Variants in PRKCE observed in about 807,000 individuals in gnomAD.
PRKCE encodes protein kinase C epsilon, also known as protein kinase C epsilon type.
Under a neutral mutation model 85.4 loss-of-function variants are expected in PRKCE, and 16 were observed. The observed-to-expected ratio is 0.19, with a 90% CI of 0.13 to 0.28. The LOEUF (loss-of-function observed/expected upper bound fraction) is 0.28, where lower values mean the gene tolerates loss of function less well. Ranked by LOEUF, PRKCE falls within the 10% of genes least tolerant of loss-of-function variation. The pLI is 1.00. For missense variants in PRKCE, 573 were observed against 975.2 expected (o/e 0.59, Z 5.49); for synonymous variants, 388 against 371.5 (o/e 1.04, Z -0.51).
intron 1 of PRKCE, among the ~76,000 whole-genome samples, chr2:45,814,962 T>G (rs955104194): frequency 6.6e-6 from 1 of 152,190 alleles, no homozygotes; most frequent in African/African-American, 2.4e-5. Flanking sequence ...GGGTGTTCTC[T>G]AAGTTCCTTT....
chr2:45,834,771 G>A (rs1690718163), intron 1 of PRKCE, among the ~76,000 whole-genome samples: 1 of 152,096 alleles, frequency 6.6e-6, no homozygotes, highest in Non-Finnish European at 1.5e-5. Flanking sequence ...GGACTCGCAT[G>A]GTGATCTACC....
chr2:45,984,487 G>T (rs1026159790), intron 5 of PRKCE, 64 bp from the exon 6 acceptor site: 1 of 1,568,262 alleles, frequency 6.4e-7, no homozygotes. Context: ...TGAGAGTTCC[G>T]TTGACAAGTC....
intron 12 of PRKCE, among the ~76,000 whole-genome samples, chr2:46,147,629 G>A (rs575396629): frequency 6.6e-6 from 1 of 152,352 alleles, no homozygotes; most frequent in African/African-American, 2.4e-5. Flanking sequence ...TGGTCTTGCT[G>A]TAGGCAAATT....
intron 1 of PRKCE, among the ~76,000 whole-genome samples, chr2:45,683,975 G>A (rs374452697): frequency 2.0e-5 from 3 of 152,330 alleles, no homozygotes; most frequent in Middle Eastern, 6.8e-3. Flanking sequence ...GGACTTATTA[G>A]CTGGAAGTTT....
rs975945467 is a variant in PRKCE at position 45,697,797 on chromosome 2, T to A, written c.348+45349T>A. 34 of 152,674 alleles carry A rather than the reference T, an allele frequency of 2.2e-4. 1 individual carries two copies. The highest frequency in any genetic ancestry group is 7.5e-4 in the African/African-American group (31 of 41,570). The allele number at this position is 152,674 out of a possible 1,614,324, so 9.5% of individuals were successfully genotyped here. On this transcript the variant is annotated intron_variant, in intron 1 of 14. Transcript: ENST00000306156. This position sits in a 1 kb window ranked among gnomAD's most constrained non-coding sequence, Gnocchi z 4.2. ...ACTACCTCTGCTGACCACCCCAATT[T>A]CCAGCAAGCTTTTTAAAATGGATTA... is the stretch of plus-strand genomic sequence containing the variant.
intron 2 of PRKCE, among the ~76,000 whole-genome samples, chr2:45,913,013 G>A (rs1427366477): frequency 6.6e-6 from 1 of 152,176 alleles, no homozygotes; most frequent in Non-Finnish European, 1.5e-5. Flanking sequence ...CAGTGAGGGA[G>A]CTAAACAAGT....
intron 11 of PRKCE, among the ~76,000 whole-genome samples, chr2:46,112,181 C>G (rs569509070): frequency 6.6e-6 from 1 of 152,132 alleles, no homozygotes; most frequent in African/African-American, 2.4e-5. Flanking sequence ...GTTTTGAAGT[C>G]GTCTTTGTCT....
chr2:45,770,953 G>A (rs1265122606), intron 1 of PRKCE: 1 of 151,944 alleles, frequency 6.6e-6, no homozygotes, highest in Non-Finnish European at 1.5e-5. Context: ...TTTAAGTTTG[G>A]TCATTGTTTA....
intron 1 of PRKCE, among the ~76,000 whole-genome samples, chr2:45,716,692 A>G (rs1254455480): frequency 1.0e-5 from 1 of 97,794 alleles, no homozygotes; most frequent in Non-Finnish European, 2.2e-5. Context: ...AGAAGAAGAG[A>G]AGGAAGGAAG....
intron 1 of PRKCE, among the ~76,000 whole-genome samples, chr2:45,827,113 T>G (rs1690004744): frequency 6.6e-6 from 1 of 152,144 alleles, no homozygotes; most frequent in Admixed American, 6.5e-5. Context: ...TGACCTCATC[T>G]CCAACTGCCC....
At chr2:45,677,322 TTTTTTTTTG>T (rs1209535215) in intron 1 of PRKCE, among the ~76,000 whole-genome samples, 9 of 122,390 alleles carry the variant, frequency 7.4e-5, no homozygotes, top group African/African-American at 1.9e-4. Context: ...CAGTGAAGGT[TTTTTTTTTG>T]TTTTTTTTTT....
At chr2:45,813,045 C>T (rs1039306186) in intron 1 of PRKCE, among the ~76,000 whole-genome samples, 1 of 152,156 alleles carries the variant, frequency 6.6e-6, no homozygotes, top group Non-Finnish European at 1.5e-5. Flanking sequence ...TCTGGGGTTT[C>T]CTGGCCCCGC....
rs1310629210 is a variant in PRKCE at position 45,652,709 on chromosome 2, G to C, written c.348+261G>C. Among the ~76,000 whole-genome samples, 1 of 152,216 alleles carries C rather than the reference G, an allele frequency of 6.6e-6. No homozygotes were observed. Among genetic ancestry groups the C allele is most frequent in the Non-Finnish European group, 1.5e-5 (1 of 68,036 alleles). On this transcript the variant is annotated intron_variant, in intron 1 of 14. Transcript: ENST00000306156. The surrounding 1 kb of genome is among the most constrained non-coding windows in gnomAD (Gnocchi z 7.7). ...AGTTGGTGGGTGCTGCGGGAGGTTT[G>C]CAAACTGGGAGAGCCTGGGCCACTG...
At chr2:46,042,733 T>G (rs1281050131) in intron 10 of PRKCE, among the ~76,000 whole-genome samples, 1 of 152,144 alleles carries the variant, frequency 6.6e-6, no homozygotes, top group East Asian at 1.9e-4. Flanking sequence ...AGGCGAAGGG[T>G]GGGTGCACAC....
At chr2:45,702,794 T>C (rs887668706) in intron 1 of PRKCE, among the ~76,000 whole-genome samples, 1 of 152,212 alleles carries the variant, frequency 6.6e-6, no homozygotes, top group Non-Finnish European at 1.5e-5. Flanking sequence ...CTTTTCCATT[T>C]CTTTCCTTCA....
intron 11 of PRKCE, among the ~76,000 whole-genome samples, chr2:46,120,603 C>T (rs982435961): frequency 2.0e-5 from 3 of 152,162 alleles, no homozygotes; most frequent in Non-Finnish European, 4.4e-5. Flanking sequence ...GCCATATTTG[C>T]AGGTTTTTCA....
chr2:45,922,910 A>T (rs1194459073), intron 2 of PRKCE, among the ~76,000 whole-genome samples: 1 of 152,182 alleles, frequency 6.6e-6, no homozygotes, highest in Non-Finnish European at 1.5e-5. Context: ...TCCTTCACAT[A>T]TTAGTCATTG....
intron 1 of PRKCE, among the ~76,000 whole-genome samples, chr2:45,702,168 G>C (rs948033895): frequency 5.3e-5 from 8 of 152,130 alleles, no homozygotes; most frequent in Admixed American, 5.2e-4. Context: ...CAGCCTGGGT[G>C]ACAGAGCGAG....
intron 10 of PRKCE, among the ~76,000 whole-genome samples, chr2:46,011,943 A>G (rs1454479491): frequency 2.0e-5 from 3 of 152,214 alleles, no homozygotes; most frequent in African/African-American, 4.8e-5. Context: ...TTCTTTGTCT[A>G]CGAAACTTTC....
Sources: allele counts gnomAD v4.1 joint callset (sites outside exome capture counted in the v4.1 genomes callset), GRCh38; gene constraint gnomAD v4.1.1; non-coding constraint Gnocchi (gnomAD v3.1); transcripts MANE v1.5; gene names NCBI Gene and HGNC (gene_info 2026-07-23, HGNC 2026-07-21).